Variants in OTOGL observed in about 807,000 individuals in gnomAD.
OTOGL encodes otogelin-like protein.
OTOGL carries 285 observed loss-of-function variants against 318.5 expected under a neutral mutation model. The ratio of observed to expected loss-of-function variants is 0.89; its 90% CI spans 0.81 to 0.99. The LOEUF is 0.99. Ranked by LOEUF, OTOGL falls within the 50% of genes least tolerant of loss-of-function variation. The pLI is 0.00. For synonymous variants in OTOGL, 987 were observed against 936.5 expected (o/e 1.05, Z -0.99); for missense variants, 2,899 against 2,845.6 (o/e 1.02, Z -0.43).
chr12:80,352,263 A>G (rs774186865), intron 44 of OTOGL, 32 bp from the exon 45 acceptor site: 73 of 1,579,156 alleles, frequency 4.6e-5, no homozygotes, highest in Non-Finnish European at 5.7e-5. Flanking sequence ...ATAAAACAAT[A>G]TAACTTATTT....
chr12:80,325,973 T>G (rs1466491810), intron 35 of OTOGL, among the ~76,000 whole-genome samples: 3 of 152,208 alleles, frequency 2.0e-5, no homozygotes, highest in Non-Finnish European at 2.9e-5. Context: ...TTTCTCTTTC[T>G]GTATGTTTGG....
intron 35 of OTOGL, among the ~76,000 whole-genome samples, chr12:80,326,191 A>G (rs1887668721): frequency 6.6e-6 from 1 of 152,112 alleles, no homozygotes; most frequent in Admixed American, 6.6e-5. Flanking sequence ...CGACATAACC[A>G]GCACTCTTGT....
At chr12:80,119,856 T>C (rs776558786) in intron 1 of OTOGL, among the ~76,000 whole-genome samples, 2 of 152,228 alleles carry the variant, frequency 1.3e-5, no homozygotes, top group African/African-American at 2.4e-5. Flanking sequence ...TATGATGTAA[T>C]TCAATTCAGG....
chr12:80,307,903 G>A (rs1344006354), intron 29 of OTOGL, among the ~76,000 whole-genome samples: 14 of 137,042 alleles, frequency 1.0e-4, no homozygotes, highest in East Asian at 2.1e-4. Context: ...CGGACGGGGC[G>A]GCTGGCCGGG....
chr12:80,115,197 C>G (rs1248183306), intron 1 of OTOGL, among the ~76,000 whole-genome samples: 1 of 151,956 alleles, frequency 6.6e-6, no homozygotes, highest in African/African-American at 2.4e-5. Context: ...AATTTTCAGC[C>G]TTTTTGCCCT....
At chr12:80,243,610 T>A (rs1445397315) in intron 11 of OTOGL, among the ~76,000 whole-genome samples, 1 of 151,596 alleles carries the variant, frequency 6.6e-6, no homozygotes, top group Non-Finnish European at 1.5e-5. Flanking sequence ...GAGCAAAAAT[T>A]CTGACACTCT....
chr12:80,356,051 G>A (rs1021900387), intron 47 of OTOGL, 103 bp downstream of exon 47: 2 of 1,263,962 alleles, frequency 1.6e-6, no homozygotes, highest in Non-Finnish European at 2.2e-6. Flanking sequence ...TTAAAAAAGG[G>A]CCATAAATGT....
chr12:80,352,436 T>C lies in OTOGL; in HGVS notation c.5407T>C (p.Ser1803Pro), dbSNP rs1450045911. The C allele has an allele frequency of 1.9e-6, 3 of 1,549,014 alleles. No homozygotes were observed. Among genetic ancestry groups the C allele is most frequent in the African/African-American group, 3.2e-5 (2 of 61,900 alleles). ...CIQWRTPDYC[S>P]LSCPEGKEYQ... ...TCAGTGGAGAACACCTGATTACTGC[T>C]GTGAGTAACTGTTAACTGAATATTT... is the stretch of plus-strand genomic sequence containing the variant. The change falls in exon 45 of 59, where the codon TCC becomes CCC. Residue 1803 changes from serine to proline, a missense_variant and splice_region_variant. Physicochemically the swap from Ser to Pro is moderately conservative, Grantham distance 74. Transcript: ENST00000547103.
intron 1 of OTOGL, among the ~76,000 whole-genome samples, chr12:80,108,313 GTTATAA>G (rs982152091): frequency 2.6e-5 from 4 of 151,834 alleles, no homozygotes; most frequent in Non-Finnish European, 4.4e-5. Flanking sequence ...TAATATAATT[GTTATAA>G]TTATAACAAT....
At chr12:80,339,031 A>T in intron 42 of OTOGL, 44 bp from the exon 43 acceptor site, 4 of 1,404,532 alleles carry the variant, frequency 2.8e-6, no homozygotes, top group Non-Finnish European at 3.9e-6. Context: ...TAATTTGTAT[A>T]TTTAAGTAAA....
intron 44 of OTOGL, among the ~76,000 whole-genome samples, chr12:80,345,449 C>G (rs1186147249): frequency 6.6e-6 from 1 of 151,648 alleles, no homozygotes; most frequent in Non-Finnish European, 1.5e-5. Context: ...GTTGGCCAGG[C>G]TGGTCTCACA....
intron 9 of OTOGL, among the ~76,000 whole-genome samples, chr12:80,236,511 G>A (rs2137420971): frequency 6.6e-6 from 1 of 152,198 alleles, no homozygotes; most frequent in East Asian, 1.9e-4. Context: ...GAACTCTAAG[G>A]GATTGGCCAG....
At chr12:80,134,046 T>C (rs1169402950) in intron 1 of OTOGL, among the ~76,000 whole-genome samples, 1 of 152,206 alleles carries the variant, frequency 6.6e-6, no homozygotes, top group East Asian at 1.9e-4. Context: ...AATAGCATTA[T>C]TCCAGCAATG....
chr12:80,154,744 C>T (rs980758502), intron 1 of OTOGL, among the ~76,000 whole-genome samples: 1 of 152,202 alleles, frequency 6.6e-6, no homozygotes, highest in Non-Finnish European at 1.5e-5. Flanking sequence ...CTGCTATAAA[C>T]ATCTGTGTAC....
At position 80,126,250 on chromosome 12, in the gene OTOGL, C is replaced by T. The variant is rs201378542; in HGVS notation, c.-20+26645C>T. Among the ~76,000 whole-genome samples, 12 of 152,066 alleles carry T rather than the reference C, an allele frequency of 7.9e-5. No individual in the cohort carries two copies. The East Asian group carries it at 9.6e-4, about 12-fold the overall frequency. ...TTCTGGTATATTGTGTCTTTGTTCT[C>T]GTTGGTTTCAAAGAACATCTTTATT... On this transcript the variant is annotated intron_variant, in intron 1 of 58. Coordinates refer to ENST00000547103, the MANE Select transcript of OTOGL (RefSeq NM_001378609.3).
chr12:80,251,651 A>G (rs1881556443), intron 11 of OTOGL, 42 bp from the exon 12 acceptor site: 1 of 1,470,800 alleles, frequency 6.8e-7, no homozygotes, highest in East Asian at 2.4e-5. Context: ...GTTTCTGTCA[A>G]TATTTCCTAT....
intron 18 of OTOGL, among the ~76,000 whole-genome samples, chr12:80,260,904 A>G (rs1486281948): frequency 6.6e-6 from 1 of 152,124 alleles, no homozygotes; most frequent in Non-Finnish European, 1.5e-5. Flanking sequence ...AGCACAAACC[A>G]TGCAATTACT....
chr12:80,108,787 G>GTA (rs1189455568), intron 1 of OTOGL, among the ~76,000 whole-genome samples: 34 of 106,222 alleles, frequency 3.2e-4, no homozygotes, highest in South Asian at 1.5e-3. Flanking sequence ...ATATATATAT[G>GTA]TATATATATA....
chr12:80,265,509 A>C, intron 20 of OTOGL: 1 of 378,988 alleles, frequency 2.6e-6, no homozygotes, highest in South Asian at 2.6e-5. Context: ...TGGAAATATC[A>C]TATCTAAATA....
Sources: allele counts gnomAD v4.1 joint callset (sites outside exome capture counted in the v4.1 genomes callset), GRCh38; gene constraint gnomAD v4.1.1; transcripts MANE v1.5; gene names NCBI Gene and HGNC (gene_info 2026-07-23, HGNC 2026-07-21).